Variants in SLC2A14 observed in about 807,000 individuals in gnomAD.
The protein encoded by SLC2A14 is solute carrier family 2, facilitated glucose transporter member 14.
SLC2A14 carries 13 observed loss-of-function variants against 43.0 expected under a neutral mutation model. The observed-to-expected ratio is 0.30, with a 90% CI of 0.20 to 0.48. The LOEUF is 0.48. Ranked by LOEUF, SLC2A14 falls within the 20% of genes least tolerant of loss-of-function variation. The pLI is 0.99. For missense variants in SLC2A14, 428 were observed against 620.4 expected (o/e 0.69, Z 3.29); for synonymous variants, 190 against 233.8 (o/e 0.81, Z 1.71).
intron 7 of SLC2A14, among the ~76,000 whole-genome samples, chr12:7,821,665 C>T (rs578249367): frequency 1.3e-5 from 2 of 152,198 alleles, no homozygotes; most frequent in Admixed American, 1.3e-4. Context: ...CCTTTTACTA[C>T]AATTTTTGTT....
intron 2 of SLC2A14, among the ~76,000 whole-genome samples, chr12:7,850,215 C>A (rs1268582326): frequency 6.6e-6 from 1 of 151,798 alleles, no homozygotes; most frequent in Admixed American, 6.6e-5. Context: ...TGGTGGTGGG[C>A]AGTTTGTGGG....
rs1255562030 is a variant in SLC2A14, at chr12:7,869,719, T to G, written c.18+144A>C. On this transcript the variant is annotated intron_variant, in intron 2 of 10. Transcript: ENST00000431042. ...GATTTTGGGAATGTACCAAGTCTGT[T>G]GGCTGTAACAGTCTCTCCCACCACC... 7 of 526,014 alleles carry G rather than the reference T, an allele frequency of 1.3e-5. No individual in the cohort carries two copies. In the East Asian group the frequency reaches 2.2e-4, roughly 16 times the overall value. 32.6% of individuals were successfully genotyped at this position (526,014 alleles called of 1,614,324 possible).
chr12:7,820,867 A>T (rs760147473), intron 8 of SLC2A14, among the ~76,000 whole-genome samples: 1 of 152,170 alleles, frequency 6.6e-6, no homozygotes, highest in Admixed American at 6.5e-5. Context: ...CAGGTGGATC[A>T]CCAGAGGTCA....
chr12:7,821,104 A>G, intron 8 of SLC2A14, 117 bp downstream of exon 8: 1 of 770,236 alleles, frequency 1.3e-6, no homozygotes, highest in Non-Finnish European at 2.0e-6. Flanking sequence ...TTAAAAAAAT[A>G]AAAATAAATA....
intron 1 of SLC2A14, among the ~76,000 whole-genome samples, chr12:7,888,825 A>G (rs1447566432): frequency 6.6e-6 from 1 of 151,332 alleles, no homozygotes; most frequent in Non-Finnish European, 1.5e-5. Context: ...AGAAAAAAGG[A>G]ATATCAGGAG....
intron 2 of SLC2A14, among the ~76,000 whole-genome samples, chr12:7,848,149 C>T (rs1346316920): frequency 1.3e-5 from 2 of 152,110 alleles, no homozygotes; most frequent in African/African-American, 2.4e-5. Context: ...ATCTGCCTCC[C>T]TGAGTCATTT....
chr12:7,869,977 T>C, intron 1 of SLC2A14, 40 bp from the exon 2 acceptor site: 2 of 1,308,112 alleles, frequency 1.5e-6, no homozygotes, highest in African/African-American at 1.5e-5. Flanking sequence ...TTACTCCATC[T>C]ACTTAAGCTC....
intron 8 of SLC2A14, among the ~76,000 whole-genome samples, chr12:7,820,814 C>T (rs1292653618): frequency 6.6e-5 from 10 of 152,214 alleles, no homozygotes; most frequent in African/African-American, 1.9e-4. Context: ...AGTCCGGGCA[C>T]GCTGGCTCAC....
intron 1 of SLC2A14, among the ~76,000 whole-genome samples, chr12:7,881,110 G>A (rs1047516376): frequency 7.9e-5 from 12 of 152,182 alleles, no homozygotes; most frequent in African/African-American, 2.9e-4. Context: ...AGAGGTGACA[G>A]CGTGCTGGCA....
chr12:7,877,085 C>A (rs1001915735), upstream of SLC2A14, among the ~76,000 whole-genome samples: 1 of 151,304 alleles, frequency 6.6e-6, no homozygotes, highest in South Asian at 2.1e-4. Flanking sequence ...CTCACTGCAA[C>A]CTCTGCCTCC....
chr12:7,818,155 T>C, intron 9 of SLC2A14, 121 bp from the exon 10 acceptor site: 1 of 880,736 alleles, frequency 1.1e-6, no homozygotes, highest in Non-Finnish European at 1.7e-6. Flanking sequence ...AGAGTGGCTG[T>C]GGAATCAAAA....
Position 7,813,912 on chromosome 12 carries a change from C to G in SLC2A14, c.*404G>C, listed in dbSNP as rs1337798173. 1 of 211,740 alleles carries G rather than the reference C, an allele frequency of 4.7e-6. No individual in the cohort carries two copies. The highest frequency in any genetic ancestry group is 9.8e-6 in the Non-Finnish European group (1 of 101,820). 13.1% of individuals were successfully genotyped at this position (211,740 alleles called of 1,614,324 possible). A position where few individuals can be genotyped will look rare whatever the true frequency, so the allele number is the denominator to read the frequency against. Reference sequence around the variant, plus strand: ...AGGAAGGTGCTCTTACATAAACACCCTCCGGCTTCCACACTCATATGTATC... The same window carrying G: ...AGGAAGGTGCTCTTACATAAACACCGTCCGGCTTCCACACTCATATGTATC... On this transcript the variant is annotated 3_prime_UTR_variant, in exon 11 of 11. Coordinates refer to ENST00000431042, the MANE Select transcript of SLC2A14 (RefSeq NM_001286234.2).
At chr12:7,891,164 G>A, upstream of SLC2A14, 1 of 1,525,622 alleles carries the variant, frequency 6.6e-7, no homozygotes, top group Non-Finnish European at 8.8e-7. Context: ...AGCAAAGCCA[G>A]CTGCTCCCAG....
At chr12:7,842,822 G>A (rs1274399600) in intron 2 of SLC2A14, among the ~76,000 whole-genome samples, 4 of 150,560 alleles carry the variant, frequency 2.7e-5, no homozygotes, top group African/African-American at 4.9e-5. Context: ...TCCGCCTCCC[G>A]CGTTCAAGTG....
chr12:7,862,532 GC>G (rs1043974442), intron 2 of SLC2A14, among the ~76,000 whole-genome samples: 1 of 151,984 alleles, frequency 6.6e-6, no homozygotes, highest in Non-Finnish European at 1.5e-5. Flanking sequence ...GCTCCACGGC[GC>G]CCAGTCCCAT....
At chr12:7,844,061 C>T (rs1866244092) in intron 2 of SLC2A14, among the ~76,000 whole-genome samples, 1 of 152,068 alleles carries the variant, frequency 6.6e-6, no homozygotes, top group Non-Finnish European at 1.5e-5. Context: ...ATATTTATAT[C>T]TGTATTCACA....
At chr12:7,817,757 T>TAGATAGATAGATAGAC (rs1863591133) in intron 10 of SLC2A14, 74 bp downstream of exon 10, 3 of 1,372,572 alleles carry the variant, frequency 2.2e-6, no homozygotes, top group African/African-American at 3.0e-5. Flanking sequence ...TATATATAGA[T>TAGATAGATAGATAGAC]AGATAGATAG....
At chr12:7,889,841 T>A (rs1317439595) in intron 1 of SLC2A14, among the ~76,000 whole-genome samples, 6 of 152,078 alleles carry the variant, frequency 3.9e-5, no homozygotes, top group Non-Finnish European at 8.8e-5. Flanking sequence ...TGGTTGCCCA[T>A]TTTTATGGTT....
At chr12:7,868,885 C>T (rs1004936126) in intron 2 of SLC2A14, among the ~76,000 whole-genome samples, 10 of 152,112 alleles carry the variant, frequency 6.6e-5, no homozygotes, top group African/African-American at 2.4e-4. Context: ...TGGCTCAAGC[C>T]TGTAATCCCA....
Sources: gnomAD v4.1 joint callset for allele counts (sites outside exome capture counted in the v4.1 genomes callset) on GRCh38, gnomAD v4.1.1 for gene constraint, MANE v1.5 for transcripts, NCBI Gene and HGNC (gene_info 2026-07-23, HGNC 2026-07-21) for gene names.